Variants in RASL10A observed in about 807,000 individuals in gnomAD.
The protein encoded by RASL10A is ras-like protein family member 10A.
RASL10A carries 13 observed loss-of-function variants against 17.3 expected under a neutral mutation model. That is an observed-to-expected ratio of 0.75 (90% confidence interval 0.49 to 1.20). The LOEUF is 1.20. Ranked by LOEUF, RASL10A falls within the 50% of genes most tolerant of loss-of-function variation. The pLI is 0.00. For synonymous variants in RASL10A, 159 were observed against 142.2 expected, an observed-to-expected ratio of 1.12 and a Z score of -0.84; for missense variants, 307 against 310.3, an observed-to-expected ratio of 0.99 and a Z score of 0.08.
At chr22:29,316,417 G>A (rs552334092), upstream of RASL10A, among the ~76,000 whole-genome samples, 2 of 152,330 alleles carry the variant, frequency 1.3e-5, no homozygotes, top group East Asian at 3.9e-4. Context: ...AAGGCTGGAG[G>A]TGACTAAATA....
At chr22:29,317,591 A>G (rs1052027536), upstream of RASL10A, among the ~76,000 whole-genome samples, 6 of 152,176 alleles carry the variant, frequency 3.9e-5, no homozygotes, top group African/African-American at 1.4e-4. Context: ...AGCTGCTTCA[A>G]TTCCTTCGGG....
In RASL10A at chr22:29,313,570, TG is replaced by T; in HGVS notation, c.345-3del. 1 of 1,532,376 alleles carries T rather than the reference TG, an allele frequency of 6.5e-7. No homozygotes were observed. The highest frequency in any genetic ancestry group is 1.2e-5 in the South Asian group (1 of 80,458). The allele number at this position is 1,532,376 out of a possible 1,614,324, so 94.9% of individuals were successfully genotyped here. On this transcript the variant is annotated splice_polypyrimidine_tract_variant and splice_region_variant and intron_variant, in intron 2 of 2. Transcript: ENST00000216101. ...GGCGCTTCGGGCGCGCCCGCCGGCC[TG>T]GGGGCCGAATGGAGATGAGAGACGC...
At chr22:29,315,937 C>T (rs1275924729), upstream of RASL10A, among the ~76,000 whole-genome samples, 2 of 152,234 alleles carry the variant, frequency 1.3e-5, no homozygotes, top group African/African-American at 2.4e-5. This position sits in a 1 kb window ranked among gnomAD's most constrained non-coding sequence, Gnocchi z 5.5. Context: ...CGCGGCCGCT[C>T]TTCCAAACAC....
At chr22:29,316,964 A>G (rs918566031), upstream of RASL10A, 3 of 152,258 alleles carry the variant, frequency 2.0e-5, no homozygotes, top group Non-Finnish European at 4.4e-5. Flanking sequence ...CTAAATCCTG[A>G]AGGGGGAGGA....
At chr22:29,313,592 G>C (rs770648062) in intron 2 of RASL10A, 24 bp from the exon 3 acceptor site, 1 of 1,510,820 alleles carries the variant, frequency 6.6e-7, no homozygotes, top group Non-Finnish European at 8.8e-7. Context: ...GGAGATGAGA[G>C]ACGCGGGGAC....
upstream of RASL10A, among the ~76,000 whole-genome samples, chr22:29,317,493 C>A (rs1024961234): frequency 5.3e-5 from 8 of 152,268 alleles, no homozygotes; most frequent in South Asian, 1.4e-3. Flanking sequence ...CCCTCCTCAG[C>A]CTCCAAAAGT....
upstream of RASL10A, among the ~76,000 whole-genome samples, chr22:29,319,853 C>CG (rs939861770): frequency 1.6e-4 from 25 of 151,646 alleles, no homozygotes; most frequent in Admixed American, 3.9e-4. Context: ...GGCATGGTGG[C>CG]GGGGGCCTGT....
chr22:29,316,220 G>GA (rs2061453512), upstream of RASL10A, among the ~76,000 whole-genome samples: 3 of 152,350 alleles, frequency 2.0e-5, no homozygotes, highest in South Asian at 6.2e-4. Context: ...CCCGAGAGGG[G>GA]AATCTGCAAG....
At position 29,315,255 on chromosome 22, in the gene RASL10A, G is replaced by GGC; in HGVS notation, c.-11_-10dup. Reference sequence around the variant, plus strand: ...CGCAGGCTACCCCCCATGGCCGGCCGGCGCTGTCGCTCCCCGCGCTGGAAA... The same window carrying GGC: ...CGCAGGCTACCCCCCATGGCCGGCCGGCGCGCTGTCGCTCCCCGCGCTGGAAA... On this transcript the variant is annotated 5_prime_UTR_variant, in exon 1 of 3. Transcript: ENST00000216101. This position sits in a 1 kb window ranked among gnomAD's most constrained non-coding sequence, Gnocchi z 5.5. The GGC allele has an allele frequency of 6.9e-7, 1 of 1,456,958 alleles. No homozygotes were observed. Among genetic ancestry groups the GGC allele is most frequent in the Non-Finnish European group, 9.0e-7 (1 of 1,113,210 alleles). 90.3% of individuals were successfully genotyped at this position (1,456,958 alleles called of 1,614,324 possible).
chr22:29,317,871 A>G (rs970592211), upstream of RASL10A, among the ~76,000 whole-genome samples: 14 of 152,048 alleles, frequency 9.2e-5, no homozygotes, highest in African/African-American at 3.1e-4. Context: ...TTTTTAGTAG[A>G]GACGGGGTTT....
chr22:29,314,160 TC>T (rs1281732203), intron 1 of RASL10A, 173 bp from the exon 2 acceptor site: 2 of 851,884 alleles, frequency 2.3e-6, no homozygotes, highest in African/African-American at 3.5e-5. Flanking sequence ...GGTAAAATTT[TC>T]CAAATCGTGC....
rs560553651 is a variant in RASL10A, at chr22:29,313,529, G to T, written c.384C>A (p.Gly128=). 48 of 1,568,184 alleles carry T rather than the reference G, an allele frequency of 3.1e-5. No individual in the cohort carries two copies. In the East Asian group the frequency reaches 1.0e-3, roughly 33 times the overall value. The change falls in exon 3 of 3, where the codon GGC becomes GGA. Residue 128 remains glycine (G), a synonymous_variant. Coordinates refer to ENST00000216101, the MANE Select transcript of RASL10A (RefSeq NM_006477.5). ...GCAGCCGCTGCCTGTCCCGCTTGTT[G>T]CCTACCACGAGGATGGGCGCTTCGG... is the stretch of plus-strand genomic sequence containing the variant. The part of the protein sequence containing the change: ...GAPEAPILVV[G]NKRDRQRLRF...
chr22:29,313,328 C>T lies in RASL10A; in HGVS notation c.585G>A (p.Leu195=), dbSNP rs1401430565. ...AHPALRLQGA[L]HPARCSLM is the part of the protein sequence containing the mutation. ...ACATGAGGCTGCAGCGCGCGGGATG[C>T]AGCGCCCCCTGCAGGCGCAGGGCCG... is the stretch of plus-strand genomic sequence containing the variant. Residue 195 remains leucine, a synonymous_variant, in exon 3 of 3, where the codon CTG becomes CTA. Transcript: ENST00000216101. 2 of 1,531,028 alleles carry T rather than the reference C, an allele frequency of 1.3e-6. No individual in the cohort carries two copies. Among genetic ancestry groups the T allele is most frequent in the Non-Finnish European group, 1.8e-6 (2 of 1,138,090 alleles). The allele number at this position is 1,531,028 out of a possible 1,614,324, so 94.8% of individuals were successfully genotyped here. A position where few individuals can be genotyped will look rare whatever the true frequency, so the allele number is the denominator to read the frequency against.
At chr22:29,313,765 C>T in intron 2 of RASL10A, 98 bp downstream of exon 2, 2 of 1,544,976 alleles carry the variant, frequency 1.3e-6, no homozygotes, top group Non-Finnish European at 8.7e-7. Flanking sequence ...GGCCTAAGAC[C>T]CGGCCCACGA....
In RASL10A at chr22:29,313,571, G is replaced by C. The variant is rs1181892439; in HGVS notation, c.345-3C>G. 5 of 1,532,282 alleles carry C rather than the reference G, an allele frequency of 3.3e-6. No individual in the cohort carries two copies. Among genetic ancestry groups the C allele is most frequent in the Non-Finnish European group, 4.3e-6 (5 of 1,151,392 alleles). 94.9% of individuals were successfully genotyped at this position (1,532,282 alleles called of 1,614,324 possible). ...GCGCTTCGGGCGCGCCCGCCGGCCTGGGGGCCGAATGGAGATGAGAGACGC... is the reference window on the plus strand; with the variant it reads ...GCGCTTCGGGCGCGCCCGCCGGCCTCGGGGCCGAATGGAGATGAGAGACGC... On this transcript the variant is annotated splice_region_variant and splice_polypyrimidine_tract_variant and intron_variant, in intron 2 of 2. Transcript: ENST00000216101.
In RASL10A at chr22:29,315,130, C is replaced by A; in HGVS notation, c.117G>T (p.Pro39=). 6.5e-7 allele frequency: 1 copy of A among 1,531,536 alleles called. No homozygotes were observed. Among genetic ancestry groups the A allele is most frequent in the Non-Finnish European group, 8.7e-7 (1 of 1,144,316 alleles). 94.9% of individuals were successfully genotyped at this position (1,531,536 alleles called of 1,614,324 possible). Reference sequence around the variant, plus strand: ...GCAGCACCGCGGGTCGGTAGAGGCGCGGCCCGTCCGTGGGCCGGTGGCGCT... The same window carrying A: ...GCAGCACCGCGGGTCGGTAGAGGCGAGGCCCGTCCGTGGGCCGGTGGCGCT... The part of the protein sequence containing the change: ...YPERHRPTDG[P]RLYRPAVLLD... Residue 39 remains proline (P), a synonymous_variant, in exon 1 of 3, where the codon CCG becomes CCT. Coordinates refer to ENST00000216101, the MANE Select transcript of RASL10A (RefSeq NM_006477.5). The surrounding 1 kb of genome is among the most constrained non-coding windows in gnomAD (Gnocchi z 5.5).
At position 29,315,673 on chromosome 22, in the gene RASL10A, TTC is replaced by T. The variant is rs1306879357; in HGVS notation, c.-429_-428del. 6.6e-6 allele frequency: 1 copy of T among 152,018 alleles called. No homozygotes were observed. The highest frequency in any genetic ancestry group is 1.5e-5 in the Non-Finnish European group (1 of 68,024). 9.4% of individuals were successfully genotyped at this position (152,018 alleles called of 1,614,324 possible). A position where few individuals can be genotyped will look rare whatever the true frequency, so the allele number is the denominator to read the frequency against. On this transcript the variant is annotated 5_prime_UTR_variant, in exon 1 of 3. Coordinates refer to ENST00000216101, the MANE Select transcript of RASL10A (RefSeq NM_006477.5). This position sits in a 1 kb window ranked among gnomAD's most constrained non-coding sequence, Gnocchi z 5.5. ...TCCCGGAGCCTCTGTGCCTCTATCC[TTC>T]TCTCGCTTCCGCGCCTGGAGTCGCC...
intron 1 of RASL10A, 119 bp downstream of exon 1, chr22:29,314,909 T>C: frequency 1.3e-6 from 1 of 787,176 alleles, no homozygotes; most frequent in East Asian, 3.4e-5. Flanking sequence ...CGCACACACA[T>C]CCCTCCATCC....
rs1319079917 is a variant in RASL10A, at chr22:29,313,573, G to A, written c.345-5C>T. On this transcript the variant is annotated splice_region_variant and splice_polypyrimidine_tract_variant and intron_variant, in intron 2 of 2. Coordinates refer to ENST00000216101, the MANE Select transcript of RASL10A (RefSeq NM_006477.5). Reference sequence around the variant, plus strand: ...GCTTCGGGCGCGCCCGCCGGCCTGGGGGCCGAATGGAGATGAGAGACGCGG... The same window carrying A: ...GCTTCGGGCGCGCCCGCCGGCCTGGAGGCCGAATGGAGATGAGAGACGCGG... 12 of 1,529,852 alleles carry A rather than the reference G, an allele frequency of 7.8e-6. No individual in the cohort carries two copies. In the South Asian group the frequency reaches 1.2e-4, roughly 16 times the overall value. The allele number at this position is 1,529,852 out of a possible 1,614,324, so 94.8% of individuals were successfully genotyped here. A position where few individuals can be genotyped will look rare whatever the true frequency, so the allele number is the denominator to read the frequency against.
Sources: gnomAD v4.1 joint callset for allele counts (sites outside exome capture counted in the v4.1 genomes callset) on GRCh38, gnomAD v4.1.1 for gene constraint, Gnocchi (gnomAD v3.1) non-coding constraint, MANE v1.5 for transcripts, NCBI Gene and HGNC (gene_info 2026-07-23, HGNC 2026-07-21) for gene names.